IREB2: variants seen among roughly 807,000 people sequenced by gnomAD.
IREB2 encodes the protein iron-responsive element-binding protein 2.
IREB2 carries 39 observed loss-of-function variants against 118.8 expected under a neutral mutation model. That is an observed-to-expected ratio of 0.33 (90% confidence interval 0.25 to 0.43). The LOEUF is 0.43. Ranked by LOEUF, IREB2 falls within the 20% of genes least tolerant of loss-of-function variation. IREB2 has a pLI of 1.00. For missense variants in IREB2, 900 were observed against 1,147.3 expected, an observed-to-expected ratio of 0.78 and a Z score of 3.11; for synonymous variants, 372 against 392.2, an observed-to-expected ratio of 0.95 and a Z score of 0.61.
intron 2 of IREB2, among the ~76,000 whole-genome samples, chr15:78,460,444 C>T (rs1034666479): frequency 1.3e-5 from 2 of 152,094 alleles, no homozygotes; most frequent in Non-Finnish European, 2.9e-5. Flanking sequence ...CTAAGGGCTA[C>T]TTATATATTT....
chr15:78,478,923 A>G (rs1394375842), intron 10 of IREB2, among the ~76,000 whole-genome samples: 10 of 152,252 alleles, frequency 6.6e-5, no homozygotes, highest in South Asian at 2.1e-4. Context: ...TAAATGCTCA[A>G]TAAGGGGTAG....
intron 18 of IREB2, among the ~76,000 whole-genome samples, chr15:78,493,241 A>G (rs965685300): frequency 2.6e-5 from 4 of 152,160 alleles, no homozygotes; most frequent in African/African-American, 9.7e-5. Context: ...GGGAACATAT[A>G]CTGTCATTCT....
intron 19 of IREB2, 39 bp from the exon 20 acceptor site, chr15:78,494,103 A>AT (rs1239280399): frequency 1.2e-6 from 2 of 1,612,908 alleles, no homozygotes; most frequent in Non-Finnish European, 1.7e-6. Context: ...CTGGATCAAA[A>AT]TTTGTATTAA....
chr15:78,472,346 T>A (rs1230143844), intron 7 of IREB2, among the ~76,000 whole-genome samples: 1 of 152,086 alleles, frequency 6.6e-6, no homozygotes, highest in East Asian at 1.9e-4. Flanking sequence ...TTACGTGGGC[T>A]GTCTCTTTTC....
intron 2 of IREB2, among the ~76,000 whole-genome samples, chr15:78,446,930 A>G (rs974331568): frequency 8.6e-5 from 13 of 152,024 alleles, no homozygotes; most frequent in African/African-American, 3.1e-4. Flanking sequence ...ACCTTCATCA[A>G]TAGTAGATAT....
At chr15:78,465,026 T>C (rs890921925) in intron 3 of IREB2, among the ~76,000 whole-genome samples, 2 of 152,228 alleles carry the variant, frequency 1.3e-5, no homozygotes, top group African/African-American at 4.8e-5. Flanking sequence ...AAAAATTATC[T>C]CTTATTATTT....
chr15:78,439,743 T>C, intron 1 of IREB2, 52 bp from the exon 2 acceptor site: 1 of 991,420 alleles, frequency 1.0e-6, no homozygotes, highest in Non-Finnish European at 1.6e-6. Flanking sequence ...TATTTTCAGC[T>C]GAATAAAATA....
chr15:78,496,776 T>G (rs1209007495), intron 20 of IREB2, among the ~76,000 whole-genome samples: 1 of 152,116 alleles, frequency 6.6e-6, no homozygotes, highest in Non-Finnish European at 1.5e-5. Flanking sequence ...TTCAAGAGTG[T>G]TGAAAACATA....
chr15:78,488,249 C>T lies in IREB2; in HGVS notation c.1864C>T (p.Arg622Cys), dbSNP rs898859127. The T allele has an allele frequency of 3.7e-6, 6 of 1,611,876 alleles. No homozygotes were observed. The highest frequency in any genetic ancestry group is 1.7e-5 in the Admixed American group (1 of 59,414). The change falls in exon 15 of 22, where the codon CGT becomes TGT. Residue 622 changes from arginine to cysteine, a missense_variant. By Grantham distance (180) the Arg-to-Cys change is radical. Coordinates refer to ENST00000258886, the MANE Select transcript of IREB2 (RefSeq NM_004136.4). Reference sequence around the variant, plus strand: ...TGAAGGTCGTCTTTGTGATTGTGTTCGTGCCAATTATCTTGCCTCTCCACC... The same window carrying T: ...TGAAGGTCGTCTTTGTGATTGTGTTTGTGCCAATTATCTTGCCTCTCCACC... ...NFEGRLCDCVRANYLASPPLV... is the reference protein window; with the variant it reads ...NFEGRLCDCVCANYLASPPLV...
In IREB2 at chr15:78,455,897, C is replaced by T. The variant is rs77918106; in HGVS notation, c.107-7025C>T. On this transcript the variant is annotated intron_variant, in intron 2 of 21. Transcript: ENST00000258886. The stretch of plus-strand genomic sequence containing the variant: ...GCAGTGGCTTAGTCGATAGTCCTGG[C>T]CCAAGGCCTCACTCACATGGCTGAC... Among the ~76,000 whole-genome samples, 72 of 152,246 alleles carry T rather than the reference C, an allele frequency of 4.7e-4. 2 individuals are homozygous for T. The East Asian group carries it at 0.014, about 29-fold the overall frequency.
chr15:78,498,025 CT>C lies in IREB2; in HGVS notation c.2782-5del. ...TTGCTCACATGAGATGTTTTTGCTC[CT>C]TTCAAGACAAGCACTGGAAAAGTAT... On this transcript the variant is annotated splice_polypyrimidine_tract_variant and splice_region_variant and intron_variant, in intron 21 of 21. Coordinates refer to ENST00000258886, the MANE Select transcript of IREB2 (RefSeq NM_004136.4). 2 of 1,577,548 alleles carry C rather than the reference CT, an allele frequency of 1.3e-6. No homozygotes were observed. The highest frequency in any genetic ancestry group is 1.7e-6 in the Non-Finnish European group (2 of 1,147,660).
intron 19 of IREB2, 27 bp downstream of exon 19, chr15:78,494,083 C>T: frequency 6.2e-7 from 1 of 1,612,946 alleles, no homozygotes; most frequent in South Asian, 1.1e-5. Context: ...AGTATTTAGA[C>T]AATTTATAAC....
chr15:78,445,049 T>C (rs141989516), intron 2 of IREB2, among the ~76,000 whole-genome samples: 3 of 152,336 alleles, frequency 2.0e-5, no homozygotes, highest in Admixed American at 6.5e-5. Flanking sequence ...TATATAGAAT[T>C]GTTGGATTGA....
chr15:78,438,559 T>C (rs1279076417), intron 1 of IREB2: 2 of 599,084 alleles, frequency 3.3e-6, no homozygotes, highest in Non-Finnish European at 6.0e-6. Context: ...CCCACCCTCC[T>C]GCGCGACACC....
intron 2 of IREB2, among the ~76,000 whole-genome samples, chr15:78,445,160 C>CA (rs1221904669): frequency 1.4e-5 from 2 of 140,396 alleles, no homozygotes; most frequent in Non-Finnish European, 3.1e-5. Context: ...TTTTTTGAGA[C>CA]AGAGTCTTGC....
chr15:78,474,637 A>G (rs1332685988), intron 8 of IREB2: 1 of 152,134 alleles, frequency 6.6e-6, no homozygotes, highest in Non-Finnish European at 1.5e-5. Context: ...TATTGAATAT[A>G]TTATTACTTC....
In IREB2 at chr15:78,501,158, G is replaced by GT. The variant is rs879751299; in HGVS notation, c.*3021dup. The GT allele has an allele frequency of 2.6e-5, 4 of 152,128 alleles. No homozygotes were observed. The highest frequency in any genetic ancestry group is 6.6e-5 in the Admixed American group (1 of 15,264). The allele number at this position is 152,128 out of a possible 1,614,324, so 9.4% of individuals were successfully genotyped here. A position where few individuals can be genotyped will look rare whatever the true frequency, so the allele number is the denominator to read the frequency against. On this transcript the variant is annotated 3_prime_UTR_variant, in exon 22 of 22. Transcript: ENST00000258886. Reference sequence around the variant, plus strand: ...AGAGGGTGGACTTTGGCTTTTCAGTGTTTTTTCCCCTAAAGAGTGATATTG... The same window carrying GT: ...AGAGGGTGGACTTTGGCTTTTCAGTGTTTTTTTCCCCTAAAGAGTGATATTG...
rs991724853 is a variant in IREB2, at chr15:78,500,718, A to G, written c.*2575A>G. On this transcript the variant is annotated 3_prime_UTR_variant, in exon 22 of 22. Coordinates refer to ENST00000258886, the MANE Select transcript of IREB2 (RefSeq NM_004136.4). ...TATTTTGGGGTTTTGCTACTCTTAT[A>G]CAATGGAATCAATGGAAATGTCATC... 1 of 152,326 alleles carries G rather than the reference A, an allele frequency of 6.6e-6. No homozygotes were observed. Among genetic ancestry groups the G allele is most frequent in the East Asian group, 1.9e-4 (1 of 5,192 alleles). 9.4% of individuals were successfully genotyped at this position (152,326 alleles called of 1,614,324 possible). A position where few individuals can be genotyped will look rare whatever the true frequency, so the allele number is the denominator to read the frequency against.
chr15:78,470,098 G>C (rs925560402), intron 5 of IREB2, among the ~76,000 whole-genome samples: 1 of 152,192 alleles, frequency 6.6e-6, no homozygotes, highest in East Asian at 1.9e-4. Context: ...ACTGTAAAAT[G>C]ATGTTGAGAT....
Sources: gnomAD v4.1 joint callset for allele counts (sites outside exome capture counted in the v4.1 genomes callset) on GRCh38, gnomAD v4.1.1 for gene constraint, MANE v1.5 for transcripts, NCBI Gene and HGNC (gene_info 2026-07-23, HGNC 2026-07-21) for gene names.